The following NAV2 variants were observed in gnomAD, a reference collection of about 807,000 sequenced individuals.
The protein encoded by NAV2 is helicase, APC down-regulated 1.
Under a neutral mutation model 223.2 loss-of-function variants are expected in NAV2, and 54 were observed. That is an observed-to-expected ratio of 0.24 (90% CI 0.19 to 0.30). The LOEUF is 0.30. NAV2 is among the 10% of genes least tolerant of loss of function. NAV2 has a pLI of 1.00. For missense variants in NAV2, 2,806 were observed against 3,147.5 expected (o/e 0.89, Z 2.60); for synonymous variants, 1,279 against 1,239.3 (o/e 1.03, Z -0.67).
intron 1 of NAV2, among the ~76,000 whole-genome samples, chr11:19,479,778 A>G (rs1373777727): frequency 1.3e-5 from 2 of 152,210 alleles, no homozygotes; most frequent in African/African-American, 4.8e-5. Flanking sequence ...GATAGTGCCC[A>G]ATCTAAGCCT....
intron 1 of NAV2, among the ~76,000 whole-genome samples, chr11:19,782,979 C>T (rs778414919): frequency 2.0e-5 from 3 of 152,138 alleles, no homozygotes; most frequent in Non-Finnish European, 4.4e-5. Flanking sequence ...TAAGCACCTG[C>T]ATTATACATT....
At chr11:19,860,189 C>G (rs2061657827) in intron 3 of NAV2, among the ~76,000 whole-genome samples, 1 of 147,900 alleles carries the variant, frequency 6.8e-6, no homozygotes, top group Non-Finnish European at 1.5e-5. Flanking sequence ...CACCTCCCTC[C>G]CAGACGGGGT....
chr11:19,860,703 G>A (rs1182521885), intron 3 of NAV2, among the ~76,000 whole-genome samples: 3 of 151,848 alleles, frequency 2.0e-5, no homozygotes, highest in Admixed American at 6.5e-5. Flanking sequence ...ATGTTGTAGC[G>A]AGCCGAGATC....
intron 1 of NAV2, among the ~76,000 whole-genome samples, chr11:19,763,393 C>A (rs2054929672): frequency 1.3e-5 from 2 of 152,188 alleles, no homozygotes; most frequent in Non-Finnish European, 2.9e-5. Flanking sequence ...ATCAGAACAG[C>A]ATTATTTTCT....
chr11:19,494,623 C>T (rs2042735004), intron 1 of NAV2, among the ~76,000 whole-genome samples: 1 of 152,200 alleles, frequency 6.6e-6, no homozygotes, highest in South Asian at 2.1e-4. Flanking sequence ...GCAGGTCATG[C>T]ATCAGAGTCA....
At chr11:19,709,325 G>A (rs375699506), upstream of NAV2, among the ~76,000 whole-genome samples, 16 of 151,592 alleles carry the variant, frequency 1.1e-4, 1 homozygote, top group South Asian at 4.2e-4. Flanking sequence ...GGCGAATCAC[G>A]AGGTCAGGAG....
At chr11:20,077,706 A>G (rs1410591367) in intron 23 of NAV2, 71 bp downstream of exon 23, 14 of 1,195,344 alleles carry the variant, frequency 1.2e-5, no homozygotes, top group African/African-American at 1.5e-5. Flanking sequence ...CTATTCTTTC[A>G]TTTCAGATCA....
chr11:19,468,578 A>T (rs2133914907), intron 1 of NAV2, among the ~76,000 whole-genome samples: 1 of 152,280 alleles, frequency 6.6e-6, no homozygotes, highest in South Asian at 2.1e-4. Flanking sequence ...CTCTACTCTA[A>T]TGTGACCTCA....
rs781324200 is a variant in NAV2, at chr11:19,892,411, A to AT, written c.771-22dup. On this transcript the variant is annotated intron_variant, in intron 5 of 37. Transcript: ENST00000349880. Reference sequence around the variant, plus strand: ...TTATTCTTCTGAGACTGAATGCATTATCCTGTTGCTTTTGCATTTTAGACT... The same window carrying AT: ...TTATTCTTCTGAGACTGAATGCATTATTCCTGTTGCTTTTGCATTTTAGACT... The AT allele has an allele frequency of 3.7e-6, 6 of 1,611,468 alleles. No individual in the cohort carries two copies. In the Middle Eastern group the frequency reaches 7.2e-4, roughly 194 times the overall value.
At position 20,055,812 on chromosome 11, in the gene NAV2, C is replaced by G; in HGVS notation, c.4686C>G (p.Thr1562=). The G allele has an allele frequency of 6.2e-7, 1 of 1,614,172 alleles. No individual in the cohort carries two copies. Among genetic ancestry groups the G allele is most frequent in the Non-Finnish European group, 8.5e-7 (1 of 1,180,018 alleles). Residue 1562 remains threonine (T), a synonymous_variant, in exon 19 of 38, where the codon ACC becomes ACG. Coordinates refer to ENST00000349880, the MANE Select transcript of NAV2 (RefSeq NM_145117.5). The stretch of plus-strand genomic sequence containing the variant: ...CCCAGATGAGCTTGTCCAACCCGAC[C>G]ATGCTGAGGACTCACAGCCTCTCCA... ...TVTQMSLSNP[T]MLRTHSLSNA... is the part of the protein sequence containing the mutation.
At chr11:19,662,193 A>G (rs1161990377) in intron 1 of NAV2, among the ~76,000 whole-genome samples, 1 of 152,198 alleles carries the variant, frequency 6.6e-6, no homozygotes, top group Non-Finnish European at 1.5e-5. Context: ...AAATTAATAG[A>G]AAAAAAGGTG....
intron 26 of NAV2, among the ~76,000 whole-genome samples, chr11:20,088,367 A>G (rs2060592667): frequency 6.6e-6 from 1 of 152,206 alleles, no homozygotes; most frequent in Non-Finnish European, 1.5e-5. Flanking sequence ...GTGTATTTTT[A>G]GTAGAGACGG....
intron 4 of NAV2, among the ~76,000 whole-genome samples, chr11:19,869,526 T>A (rs2062333414): frequency 1.3e-5 from 2 of 152,152 alleles, no homozygotes; most frequent in African/African-American, 4.8e-5. Flanking sequence ...AGCACATGAG[T>A]GTTCACCAGT....
Position 19,977,751 on chromosome 11 carries a change from G to A in NAV2, c.2646-6374G>A, listed in dbSNP as rs575520366. Reference sequence around the variant, plus strand: ...ATTTCAGAGCATTCTCTTCTTCCTTGAGCCAATGTGGCCACTGCTTTTCTT... The same window carrying A: ...ATTTCAGAGCATTCTCTTCTTCCTTAAGCCAATGTGGCCACTGCTTTTCTT... On this transcript the variant is annotated intron_variant, in intron 10 of 37. Coordinates refer to ENST00000349880, the MANE Select transcript of NAV2 (RefSeq NM_145117.5). Among the ~76,000 whole-genome samples the A allele has an allele frequency of 1.1e-3, 168 of 148,104 alleles. 1 individual carries two copies. The highest frequency in any genetic ancestry group is 4.0e-3 in the African/African-American group (160 of 40,240).
intron 6 of NAV2, among the ~76,000 whole-genome samples, chr11:19,906,371 AC>A (rs1163942814): frequency 6.6e-6 from 1 of 152,122 alleles, no homozygotes; most frequent in Non-Finnish European, 1.5e-5. Flanking sequence ...AACAGATTCC[AC>A]CTACTGAAGG....
chr11:20,044,809 G>A (rs10219212), intron 13 of NAV2, among the ~76,000 whole-genome samples, 159 bp from the exon 14 acceptor site: 56,866 of 151,966 alleles, frequency 0.37, 11,017 homozygotes, highest in Non-Finnish European at 0.43. Context: ...AAGGCTCACG[G>A]TACATTAGTA....
chr11:19,788,003 G>A (rs1380696259), intron 1 of NAV2, among the ~76,000 whole-genome samples: 4 of 152,156 alleles, frequency 2.6e-5, no homozygotes. Context: ...TCCATTCTAA[G>A]CAGTGTGGTT....
At chr11:19,674,322 G>A (rs148063895) in intron 1 of NAV2, among the ~76,000 whole-genome samples, 115 of 152,276 alleles carry the variant, frequency 7.6e-4, no homozygotes, top group African/African-American at 2.6e-3. Flanking sequence ...ACGGGAGGGC[G>A]CGCTCTCAAA....
intron 1 of NAV2, among the ~76,000 whole-genome samples, chr11:19,604,806 G>A (rs1035833026): frequency 6.6e-6 from 1 of 152,078 alleles, no homozygotes; most frequent in Non-Finnish European, 1.5e-5. Flanking sequence ...GAATTATGGG[G>A]GCGGGTCTTT....
Sources: gnomAD v4.1 joint callset for allele counts (sites outside exome capture counted in the v4.1 genomes callset) on GRCh38, gnomAD v4.1.1 for gene constraint, MANE v1.5 for transcripts, NCBI Gene and HGNC (gene_info 2026-07-23, HGNC 2026-07-21) for gene names.